Variants in KAZN observed in about 807,000 individuals in gnomAD.
The protein encoded by KAZN is kazrin, periplakin interacting protein, also known as kazrin.
A neutral mutation model predicts 87.4 loss-of-function variants in KAZN; 40 were observed. The ratio of observed to expected loss-of-function variants is 0.46; its 90% CI spans 0.36 to 0.60. KAZN has a LOEUF of 0.60. Ranked by LOEUF, KAZN falls within the 20% of genes least tolerant of loss-of-function variation. KAZN has a pLI of 0.00. For synonymous variants in KAZN, 466 were observed against 458.3 expected, an observed-to-expected ratio of 1.02 and a Z score of -0.22; for missense variants, 898 against 1,073.9, an observed-to-expected ratio of 0.84 and a Z score of 2.29.
intron 1 of KAZN, among the ~76,000 whole-genome samples, chr1:14,000,595 T>C (rs1639741358): frequency 6.6e-6 from 1 of 152,110 alleles, no homozygotes; most frequent in South Asian, 2.1e-4. Context: ...ATGAATACCA[T>C]ACTGAATGGG....
intron 1 of KAZN, among the ~76,000 whole-genome samples, chr1:14,057,970 G>A (rs908055859): frequency 6.6e-6 from 1 of 152,188 alleles, no homozygotes; most frequent in Non-Finnish European, 1.5e-5. Flanking sequence ...CTTTGAGCAA[G>A]TCTCTTAGCT....
At chr1:13,983,091 G>C (rs1570449844) in intron 1 of KAZN, among the ~76,000 whole-genome samples, 3 of 152,272 alleles carry the variant, frequency 2.0e-5, no homozygotes, top group Non-Finnish European at 4.4e-5. Context: ...CAGGAGCCCA[G>C]CTGGCTTCAC....
chr1:14,565,105 A>G (rs902456325), intron 2 of KAZN, among the ~76,000 whole-genome samples: 1 of 152,186 alleles, frequency 6.6e-6, no homozygotes, highest in East Asian at 1.9e-4. Flanking sequence ...TGATAAATAG[A>G]GCATTACCCA....
At chr1:14,354,538 G>T (rs1186630036) in intron 2 of KAZN, among the ~76,000 whole-genome samples, 1 of 152,020 alleles carries the variant, frequency 6.6e-6, no homozygotes, top group East Asian at 1.9e-4. Flanking sequence ...ACGTATAAAT[G>T]ATAAAGAAGA....
chr1:14,276,287 G>C (rs77476220), intron 2 of KAZN, among the ~76,000 whole-genome samples: 1 of 150,320 alleles, frequency 6.7e-6, no homozygotes, highest in Non-Finnish European at 1.5e-5. Context: ...CATCATCATC[G>C]TCATCAGTAA....
At chr1:15,067,551 A>G (rs1397720870) in intron 8 of KAZN, 46 of 985,372 alleles carry the variant, frequency 4.7e-5, no homozygotes, top group East Asian at 4.5e-4. Flanking sequence ...TCTAGACAAC[A>G]GTAGTCGTGC....
At chr1:13,912,973 G>A (rs879860505) in intron 1 of KAZN, among the ~76,000 whole-genome samples, 4 of 152,152 alleles carry the variant, frequency 2.6e-5, no homozygotes, top group Non-Finnish European at 5.9e-5. Flanking sequence ...AAACCTGGGC[G>A]GGGACCAGGA....
intron 2 of KAZN, among the ~76,000 whole-genome samples, chr1:14,466,740 G>A (rs751768572): frequency 2.0e-5 from 3 of 151,872 alleles, no homozygotes; most frequent in Middle Eastern, 3.5e-3. Flanking sequence ...AGGCCGAGGT[G>A]GGCAGATCAC....
intron 1 of KAZN, among the ~76,000 whole-genome samples, chr1:13,975,343 A>T (rs995172263): frequency 6.6e-6 from 1 of 152,224 alleles, no homozygotes; most frequent in Non-Finnish European, 1.5e-5. Context: ...CCAAGCATAT[A>T]AAAAAGGTCT....
intron 1 of KAZN, among the ~76,000 whole-genome samples, chr1:14,767,392 A>C (rs1318747005): frequency 6.6e-6 from 1 of 152,228 alleles, no homozygotes; most frequent in Non-Finnish European, 1.5e-5. Context: ...CTTTAAGGCC[A>C]ATACCAAGAG....
At chr1:15,109,965 GTGTT>G (rs1386664894) in intron 13 of KAZN, among the ~76,000 whole-genome samples, 7 of 149,116 alleles carry the variant, frequency 4.7e-5, no homozygotes, top group Non-Finnish European at 8.9e-5. Flanking sequence ...TTGTATATGT[GTGTT>G]TGTATGTTTG....
intron 1 of KAZN, among the ~76,000 whole-genome samples, chr1:14,147,645 A>G (rs903686101): frequency 2.0e-5 from 3 of 151,930 alleles, no homozygotes; most frequent in Admixed American, 6.6e-5. Context: ...AATATATAAA[A>G]ATTAGCTGGG....
At chr1:14,719,288 G>A (rs940148001) in intron 1 of KAZN, among the ~76,000 whole-genome samples, 1 of 152,212 alleles carries the variant, frequency 6.6e-6, no homozygotes, top group Non-Finnish European at 1.5e-5. Context: ...TACGCTGAGT[G>A]CATAGCATGT....
intron 1 of KAZN, among the ~76,000 whole-genome samples, chr1:14,941,182 A>G (rs2101638947): frequency 6.6e-6 from 1 of 151,994 alleles, no homozygotes. Context: ...GGCCTCCCAA[A>G]GTCTGGGATT....
At chr1:14,197,347 AC>A (rs1646547127) in intron 2 of KAZN, among the ~76,000 whole-genome samples, 1 of 150,840 alleles carries the variant, frequency 6.6e-6, no homozygotes, top group Non-Finnish European at 1.5e-5. Context: ...TTGAGAAAGA[AC>A]CAATTAGAGA....
intron 2 of KAZN, among the ~76,000 whole-genome samples, chr1:14,194,049 C>T (rs1223343198): frequency 1.3e-5 from 2 of 152,178 alleles, no homozygotes; most frequent in African/African-American, 2.4e-5. Context: ...TCCACTCTGT[C>T]ATCCTTCCAA....
At chr1:14,259,275 G>A (rs1221670061) in intron 2 of KAZN, among the ~76,000 whole-genome samples, 1 of 152,074 alleles carries the variant, frequency 6.6e-6, no homozygotes, top group African/African-American at 2.4e-5. Flanking sequence ...GCACAGCTGC[G>A]AGCCTCTGAG....
chr1:13,918,799 C>T (rs1639953235), intron 1 of KAZN, among the ~76,000 whole-genome samples: 1 of 152,188 alleles, frequency 6.6e-6, no homozygotes, highest in African/African-American at 2.4e-5. Flanking sequence ...AAGATTACAA[C>T]TTGCTAAAGG....
At chr1:14,021,394 G>T (rs1640818441) in intron 1 of KAZN, among the ~76,000 whole-genome samples, 1 of 152,200 alleles carries the variant, frequency 6.6e-6, no homozygotes, top group Admixed American at 6.5e-5. Context: ...ATCAGTATCT[G>T]CATTTTCATC....
Sources: gnomAD v4.1 joint callset for allele counts (sites outside exome capture counted in the v4.1 genomes callset) on GRCh38, gnomAD v4.1.1 for gene constraint, MANE v1.5 for transcripts, NCBI Gene and HGNC (gene_info 2026-07-23, HGNC 2026-07-21) for gene names.